Variants in SYT9 observed in about 807,000 individuals in gnomAD.
SYT9 encodes the protein synaptotagmin 9.
Under a neutral mutation model 48.4 loss-of-function variants are expected in SYT9, and 22 were observed. The observed-to-expected ratio is 0.45, with a 90% CI of 0.32 to 0.65. The LOEUF is 0.65. SYT9 is among the 30% of genes least tolerant of loss of function. SYT9 has a pLI of 0.03. For synonymous variants in SYT9, 265 were observed against 245.0 expected, an observed-to-expected ratio of 1.08 and a Z score of -0.76; for missense variants, 577 against 622.0, an observed-to-expected ratio of 0.93 and a Z score of 0.77.
At chr11:7,331,720 G>A (rs1357227580) in intron 3 of SYT9, among the ~76,000 whole-genome samples, 5 of 151,994 alleles carry the variant, frequency 3.3e-5, no homozygotes, top group Admixed American at 2.6e-4. Flanking sequence ...GTGACACCCT[G>A]TCTGAAATAA....
At chr11:7,270,042 G>A (rs1232144482) in intron 1 of SYT9, among the ~76,000 whole-genome samples, 1 of 152,158 alleles carries the variant, frequency 6.6e-6, no homozygotes, top group African/African-American at 2.4e-5. Flanking sequence ...ATGAATGATA[G>A]AGAATTAACA....
At chr11:7,241,067 A>G (rs74053915) in intron 1 of SYT9, among the ~76,000 whole-genome samples, 2,483 of 152,286 alleles carry the variant, frequency 0.016, 65 homozygotes, top group African/African-American at 0.056. Flanking sequence ...AAAGAAAAAA[A>G]CTATATTTTT....
intron 3 of SYT9, among the ~76,000 whole-genome samples, chr11:7,362,197 T>G (rs987514353): frequency 2.0e-5 from 3 of 151,118 alleles, no homozygotes; most frequent in Non-Finnish European, 2.9e-5. Flanking sequence ...CAGGCTGGAG[T>G]GCGGTGGTGT....
chr11:7,445,613 G>A (rs114664143), intron 6 of SYT9, among the ~76,000 whole-genome samples: 2 of 152,044 alleles, frequency 1.3e-5, no homozygotes, highest in African/African-American at 2.4e-5. Context: ...ATGGGCTTTC[G>A]CTGGCTGACG....
At chr11:7,352,421 T>C (rs912989139) in intron 3 of SYT9, among the ~76,000 whole-genome samples, 2 of 152,166 alleles carry the variant, frequency 1.3e-5, no homozygotes, top group African/African-American at 4.8e-5. Context: ...GCAGCAGATA[T>C]TCAATACTGA....
At chr11:7,456,772 G>A (rs554762375) in intron 6 of SYT9, 2 of 152,282 alleles carry the variant, frequency 1.3e-5, no homozygotes, top group East Asian at 3.9e-4. Context: ...GCCACCTAGA[G>A]TTCTCAAGTG....
rs776344081 is a variant in SYT9, at chr11:7,239,944, G to A, written c.49+1028G>A. ...TAATACATGAATTTGAAGCTAAGAGGGAGATCATGGCTGATTATATGAACT... is the reference window on the plus strand; with the variant it reads ...TAATACATGAATTTGAAGCTAAGAGAGAGATCATGGCTGATTATATGAACT... On this transcript the variant is annotated intron_variant and NMD_transcript_variant, in intron 1 of 8. Transcript: ENST00000524820. 3.3e-5 allele frequency among the ~76,000 whole-genome samples: 5 copies of A among 152,138 alleles called. No homozygotes were observed. The South Asian group carries it at 1.0e-3, about 32-fold the overall frequency.
At chr11:7,384,406 C>G (rs1223418821) in intron 3 of SYT9, among the ~76,000 whole-genome samples, 3 of 152,210 alleles carry the variant, frequency 2.0e-5, no homozygotes, top group African/African-American at 7.2e-5. Flanking sequence ...ACTTCTCCCC[C>G]TCCACTTGGA....
chr11:7,347,947 G>A (rs61888569), intron 3 of SYT9, among the ~76,000 whole-genome samples: 24 of 152,260 alleles, frequency 1.6e-4, no homozygotes, highest in Non-Finnish European at 3.1e-4. Flanking sequence ...AAGCAATTCC[G>A]TGAAACAGCG....
chr11:7,425,820 T>G (rs957468572), intron 6 of SYT9, among the ~76,000 whole-genome samples: 8 of 152,214 alleles, frequency 5.3e-5, no homozygotes, highest in Non-Finnish European at 1.2e-4. Flanking sequence ...GAGGGCTACA[T>G]GCTGCTGCAA....
rs1315535193 is a variant in SYT9 at position 7,313,749 on chromosome 11, G to C, written c.852G>C (p.Val284=). 1 of 1,614,182 alleles carries C rather than the reference G, an allele frequency of 6.2e-7. No homozygotes were observed. The highest frequency in any genetic ancestry group is 8.5e-7 in the Non-Finnish European group (1 of 1,180,024). ...TTCACAGAAAGACCCTGAACCCTGT[G>C]TTTGATGAAGTGTTTTTATTTCCGG... The part of the protein sequence containing the change: ...TKVHRKTLNP[V]FDEVFLFPVP... Residue 284 remains valine (V), a synonymous_variant, in exon 3 of 7, where the codon GTG becomes GTC. Transcript: ENST00000318881.
intron 1 of SYT9, among the ~76,000 whole-genome samples, chr11:7,273,238 T>C (rs1848328076): frequency 6.6e-6 from 1 of 152,172 alleles, no homozygotes; most frequent in Non-Finnish European, 1.5e-5. Context: ...CCTGTAGTTG[T>C]AAATATGGGC....
At position 7,468,440 on chromosome 11, in the gene SYT9, C is replaced by A; in HGVS notation, c.*1640C>A. ...TGGGATTCAAAGAGAATCCAAGGTT[C>A]TGCCTATGTCTGATGACATAAGGAA... On this transcript the variant is annotated 3_prime_UTR_variant, in exon 7 of 7. Coordinates refer to ENST00000318881, the MANE Select transcript of SYT9 (RefSeq NM_175733.4). 2.5e-6 allele frequency: 1 copy of A among 397,140 alleles called. No homozygotes were observed. Among genetic ancestry groups the A allele is most frequent in the South Asian group, 1.4e-4 (1 of 7,338 alleles). The allele number at this position is 397,140 out of a possible 1,614,324, so 24.6% of individuals were successfully genotyped here.
intron 3 of SYT9, among the ~76,000 whole-genome samples, chr11:7,389,594 C>G (rs1303558894): frequency 2.6e-5 from 4 of 151,946 alleles, no homozygotes; most frequent in East Asian, 1.9e-4. Flanking sequence ...TTATGAATGT[C>G]CTACAATCTT....
At chr11:7,281,778 G>T (rs1208014517) in intron 1 of SYT9, among the ~76,000 whole-genome samples, 2 of 152,300 alleles carry the variant, frequency 1.3e-5, no homozygotes, top group Admixed American at 6.5e-5. Flanking sequence ...TTTTTGGATG[G>T]TAATAGAATA....
chr11:7,373,306 AT>A (rs1232476735), intron 3 of SYT9, among the ~76,000 whole-genome samples: 1 of 151,902 alleles, frequency 6.6e-6, no homozygotes, highest in East Asian at 1.9e-4. Context: ...CATTGTTATT[AT>A]TTTCTCCTCT....
chr11:7,353,048 T>C (rs1849947978), intron 3 of SYT9, among the ~76,000 whole-genome samples: 1 of 152,196 alleles, frequency 6.6e-6, no homozygotes, highest in Non-Finnish European at 1.5e-5. Flanking sequence ...GCCCCCCAAT[T>C]TTTTGATGTG....
chr11:7,295,579 A>G (rs1012247457), intron 1 of SYT9, among the ~76,000 whole-genome samples: 12 of 152,152 alleles, frequency 7.9e-5, no homozygotes, highest in African/African-American at 2.9e-4. Flanking sequence ...ATTGCTCTTA[A>G]TGGTCCATTC....
intron 1 of SYT9, among the ~76,000 whole-genome samples, chr11:7,242,848 G>A (rs887352404): frequency 6.6e-6 from 1 of 151,978 alleles, no homozygotes; most frequent in Non-Finnish European, 1.5e-5. Context: ...GAGTTCAAGA[G>A]CACCCTGACC....
Sources: allele counts gnomAD v4.1 joint callset (sites outside exome capture counted in the v4.1 genomes callset), GRCh38; gene constraint gnomAD v4.1.1; transcripts MANE v1.5; gene names NCBI Gene and HGNC (gene_info 2026-07-23, HGNC 2026-07-21).